LAG3: variants seen among roughly 807,000 people sequenced by gnomAD.
LAG3 encodes the protein lymphocyte activating 3.
Under a neutral mutation model 49.0 loss-of-function variants are expected in LAG3, and 29 were observed. That is an observed-to-expected ratio of 0.59 (90% confidence interval 0.44 to 0.81). The LOEUF is 0.81. Among genes scored for constraint, LAG3 ranks in the 30% least tolerant of loss-of-function variants. LAG3 has a pLI of 0.00. For missense variants in LAG3, 693 were observed against 695.2 expected, an observed-to-expected ratio of 1.00 and a Z score of 0.04; for synonymous variants, 320 against 297.3, an observed-to-expected ratio of 1.08 and a Z score of -0.79.
chr12:6,776,826 A>G (rs1941910803), intron 5 of LAG3, among the ~76,000 whole-genome samples: 1 of 152,208 alleles, frequency 6.6e-6, no homozygotes, highest in Non-Finnish European at 1.5e-5. Context: ...AAGTAATGTA[A>G]AAGAATCTGT....
intron 5 of LAG3, among the ~76,000 whole-genome samples, chr12:6,776,576 C>T (rs1304517750): frequency 6.6e-6 from 1 of 152,180 alleles, no homozygotes; most frequent in African/African-American, 2.4e-5. Flanking sequence ...ATGCCCTTCA[C>T]CCTTTGTCTC....
chr12:6,773,094 T>C lies in LAG3; in HGVS notation c.59-98T>C. ...AAGAAACAGAAACCCAAGTTCTTCC[T>C]GCACCCTGTTTCTCCCTCGGGAAAC... On this transcript the variant is annotated intron_variant, in intron 1 of 7. Transcript: ENST00000203629. The surrounding 1 kb of genome is among the most constrained non-coding windows in gnomAD (Gnocchi z 5.5). The C allele has an allele frequency of 1.4e-6, 2 of 1,468,338 alleles. No individual in the cohort carries two copies. 91.0% of individuals were successfully genotyped at this position (1,468,338 alleles called of 1,614,324 possible). A position where few individuals can be genotyped will look rare whatever the true frequency, so the allele number is the denominator to read the frequency against.
At position 6,777,452 on chromosome 12, in the gene LAG3, CA is replaced by C. The variant is rs1565482685; in HGVS notation, c.1247del (p.Gln416ArgfsTer50). 6.2e-7 allele frequency: 1 copy of C among 1,614,190 alleles called. No homozygotes were observed. The highest frequency in any genetic ancestry group is 2.2e-5 in the East Asian group (1 of 44,886). ...LSQPWQCQLYQGERLLGAAVY... is the reference protein window; with the variant it reads ...LSQPWQCQLYXGERLLGAAVY... ...CCAGCCTTGGCAATGCCAGCTGTAC[CA>C]GGGGGAGAGGCTTCTTGGAGCAGCA... On this transcript the variant is annotated frameshift_variant, in exon 6 of 8. Coordinates refer to ENST00000203629, the MANE Select transcript of LAG3 (RefSeq NM_002286.6). LOFTEE classifies it high-confidence loss of function.
Position 6,775,282 on chromosome 12 carries a change from C to T in LAG3, c.791C>T (p.Pro264Leu), listed in dbSNP as rs1274252556. Residue 264 changes from proline (P) to leucine (L), a missense_variant, in exon 5 of 8, where the codon CCC becomes CTC. By Grantham distance (98) the Pro-to-Leu change is moderately conservative (BLOSUM62 -3). Transcript: ENST00000203629. The part of the protein sequence containing the change: ...MYNLTVLGLE[P>L]PTPLTVYAGA... ...TTTCTTTTCTCTTCAGGTCTGGAGC[C>T]CCCAACTCCCTTGACAGTGTACGCT... 6.2e-7 allele frequency: 1 copy of T among 1,613,436 alleles called. No homozygotes were observed. The highest frequency in any genetic ancestry group is 8.5e-7 in the Non-Finnish European group (1 of 1,179,556).
rs1171822425 is a variant in LAG3, at chr12:6,777,468, T to G, written c.1262T>G (p.Leu421Arg). 1 of 1,614,166 alleles carries G rather than the reference T, an allele frequency of 6.2e-7. No individual in the cohort carries two copies. The highest frequency in any genetic ancestry group is 2.2e-5 in the East Asian group (1 of 44,880). Residue 421 changes from leucine (L) to arginine (R), a missense_variant, in exon 6 of 8, where the codon CTT (leucine) becomes CGT (arginine). Transcript: ENST00000203629. ...QCQLYQGERL[L>R]GAAVYFTELS... ...CAGCTGTACCAGGGGGAGAGGCTTC[T>G]TGGAGCAGCAGTGTACTTCACAGAG...
chr12:6,777,360 T>C lies in LAG3; in HGVS notation c.1154T>C (p.Leu385Pro), dbSNP rs1032653655. 1 of 1,614,110 alleles carries C rather than the reference T, an allele frequency of 6.2e-7. No individual in the cohort carries two copies. Among genetic ancestry groups the C allele is most frequent in the Non-Finnish European group, 8.5e-7 (1 of 1,180,052 alleles). The change falls in exon 6 of 8, where the codon CTG becomes CCG. Residue 385 changes from leucine to proline, a missense_variant. Physicochemically the swap from Leu to Pro is moderately conservative, Grantham distance 98 (BLOSUM62 -3). Coordinates refer to ENST00000203629, the MANE Select transcript of LAG3 (RefSeq NM_002286.6). ...SGQERFVWSS[L>P]DTPSQRSFSG... ...CAAGAACGCTTTGTGTGGAGCTCTC[T>C]GGACACCCCATCCCAGAGGAGTTTC...
Position 6,773,159 on chromosome 12 carries a change from C to T in LAG3, c.59-33C>T. The T allele has an allele frequency of 6.3e-7, 1 of 1,588,534 alleles. No homozygotes were observed. The highest frequency in any genetic ancestry group is 8.6e-7 in the Non-Finnish European group (1 of 1,169,418). The stretch of plus-strand genomic sequence containing the variant: ...TCTACCCCTGCCTCTCGGCTCACGC[C>T]CCCTCCCCTTGGCCTCTCTTTTGCT... On this transcript the variant is annotated intron_variant, in intron 1 of 7. Coordinates refer to ENST00000203629, the MANE Select transcript of LAG3 (RefSeq NM_002286.6). This position sits in a 1 kb window ranked among gnomAD's most constrained non-coding sequence, Gnocchi z 5.5.
Position 6,777,305 on chromosome 12 carries a change from C to G in LAG3, c.1099C>G (p.Leu367Val). Residue 367 changes from leucine (L) to valine (V), a missense_variant, in exon 6 of 8, where the codon CTG becomes GTG. Leu to Val is a conservative substitution (Grantham distance 32). Transcript: ENST00000203629. Reference sequence around the variant, plus strand: ...TGGGTCACCTGGATCCCTGGGGAAGCTGCTTTGTGAGGTGACTCCAGTATC... The same window carrying G: ...TGGGTCACCTGGATCCCTGGGGAAGGTGCTTTGTGAGGTGACTCCAGTATC... ...SFGSPGSLGK[L>V]LCEVTPVSGQ... 1 of 1,614,182 alleles carries G rather than the reference C, an allele frequency of 6.2e-7. No individual in the cohort carries two copies. The highest frequency in any genetic ancestry group is 8.5e-7 in the Non-Finnish European group (1 of 1,180,024).
chr12:6,777,742 T>C, intron 6 of LAG3, 49 bp from the exon 7 acceptor site: 1 of 1,599,872 alleles, frequency 6.3e-7, no homozygotes, highest in Non-Finnish European at 8.6e-7. Context: ...AATGACAAAG[T>C]GTCCTTTCTA....
At position 6,772,974 on chromosome 12, in the gene LAG3, T is replaced by G. The variant is rs1941860761; in HGVS notation, c.58+64T>G. Reference sequence around the variant, plus strand: ...ACAGGAGGGGACCAGCAGGGATCTCTGTGGCCACAAAGGTCCTGAGGTCCT... The same window carrying G: ...ACAGGAGGGGACCAGCAGGGATCTCGGTGGCCACAAAGGTCCTGAGGTCCT... On this transcript the variant is annotated intron_variant, in intron 1 of 7. Coordinates refer to ENST00000203629, the MANE Select transcript of LAG3 (RefSeq NM_002286.6). 4.5e-6 allele frequency: 7 copies of G among 1,557,130 alleles called. No homozygotes were observed. The East Asian group carries it at 1.1e-4, about 25-fold the overall frequency.
chr12:6,776,513 G>C (rs764027796), intron 5 of LAG3, among the ~76,000 whole-genome samples: 2 of 152,084 alleles, frequency 1.3e-5, no homozygotes, highest in African/African-American at 4.8e-5. Context: ...CCAGACTCTG[G>C]GTCTAAACTC....
intron 7 of LAG3, 150 bp from the exon 8 acceptor site, chr12:6,778,094 C>T: frequency 7.6e-7 from 1 of 1,314,756 alleles, no homozygotes; most frequent in East Asian, 2.5e-5. Context: ...CCTGGGTAGG[C>T]TGGAAGGGGG....
In LAG3 at chr12:6,778,347, C is replaced by T. The variant is rs1307925193; in HGVS notation, c.1535C>T (p.Pro512Leu). 1 of 1,612,780 alleles carries T rather than the reference C, an allele frequency of 6.2e-7. No individual in the cohort carries two copies. The highest frequency in any genetic ancestry group is 1.1e-5 in the South Asian group (1 of 91,056). The change falls in exon 8 of 8, where the codon CCG (proline) becomes CTG (leucine). Residue 512 changes from proline to leucine, a missense_variant. Physicochemically the swap from Pro to Leu is moderately conservative, Grantham distance 98. Transcript: ENST00000203629. ...LEQEPEPEPE[P>L]EPEPEPEPEP... Reference sequence around the variant, plus strand: ...CAAGAACCGGAGCCGGAGCCGGAGCCGGAACCGGAGCCCGAGCCCGAGCCC... The same window carrying T: ...CAAGAACCGGAGCCGGAGCCGGAGCTGGAACCGGAGCCCGAGCCCGAGCCC...
chr12:6,775,535 G>A lies in LAG3; in HGVS notation c.1044G>A (p.Leu348=), dbSNP rs1019845301. The change falls in exon 5 of 8, where the codon TTG becomes TTA. Residue 348 remains leucine (L), a synonymous_variant. Coordinates refer to ENST00000203629, the MANE Select transcript of LAG3 (RefSeq NM_002286.6). The part of the protein sequence containing the change: ...QEQQLNATVT[L]AIITVTPKSF... The stretch of plus-strand genomic sequence containing the variant: ...AGCAGCTCAATGCCACTGTCACATT[G>A]GCAATCATCACAGGTCAGCCTCAGG... 6.2e-7 allele frequency: 1 copy of A among 1,614,054 alleles called. No homozygotes were observed. The highest frequency in any genetic ancestry group is 8.5e-7 in the Non-Finnish European group (1 of 1,180,020).
chr12:6,772,673 T>C lies in LAG3; in HGVS notation c.-180T>C. The C allele has an allele frequency of 6.6e-6, 3 of 453,058 alleles. No homozygotes were observed. Among genetic ancestry groups the C allele is most frequent in the Admixed American group, 3.8e-5 (1 of 26,650 alleles). 28.1% of individuals were successfully genotyped at this position (453,058 alleles called of 1,614,324 possible). On this transcript the variant is annotated 5_prime_UTR_variant, in exon 1 of 8. Transcript: ENST00000203629. ...TCCAGCTTTCCTCTGGATTCCGGCC[T>C]CTGGTCATCCCTCCCCACCCTCTCT... is the stretch of plus-strand genomic sequence containing the variant.
chr12:6,777,124 C>T (rs1941914785), intron 5 of LAG3, 140 bp from the exon 6 acceptor site: 44 of 813,624 alleles, frequency 5.4e-5, no homozygotes, highest in South Asian at 4.7e-4. Context: ...TGAACGTGGC[C>T]ATGACCCATG....
rs780079087 is a variant in LAG3 at position 6,772,873 on chromosome 12, G to C, written c.21G>C (p.Leu7=). The C allele has an allele frequency of 5.0e-6, 8 of 1,612,856 alleles. No homozygotes were observed. Among genetic ancestry groups the C allele is most frequent in the Non-Finnish European group, 6.8e-6 (8 of 1,179,876 alleles). The part of the protein sequence containing the change: MWEAQF[L]GLLFLQPLWV... ...GAGAGATGTGGGAGGCTCAGTTCCT[G>C]GGCTTGCTGTTTCTGCAGCCGCTTT... The change falls in exon 1 of 8, where the codon CTG becomes CTC. Residue 7 remains leucine, a synonymous_variant. Coordinates refer to ENST00000203629, the MANE Select transcript of LAG3 (RefSeq NM_002286.6).
chr12:6,778,363 GCCC>G lies in LAG3; in HGVS notation c.1552_1554del (p.Pro518del). On this transcript the variant is annotated inframe_deletion, in exon 8 of 8. Coordinates refer to ENST00000203629, the MANE Select transcript of LAG3 (RefSeq NM_002286.6). ...AGCCGGAGCCGGAACCGGAGCCCGA[GCCC>G]GAGCCCGAGCCGGAGCAGCTCTGAC... The G allele has an allele frequency of 6.2e-7, 1 of 1,611,734 alleles. No individual in the cohort carries two copies. Among genetic ancestry groups the G allele is most frequent in the Non-Finnish European group, 8.5e-7 (1 of 1,179,876 alleles).
intron 5 of LAG3, chr12:6,775,808 C>A: frequency 2.1e-6 from 1 of 465,462 alleles, no homozygotes; most frequent in Non-Finnish European, 3.8e-6. Context: ...GCGGGAGGGT[C>A]TGGGAAGTTA....
Sources: gnomAD v4.1 joint callset for allele counts (sites outside exome capture counted in the v4.1 genomes callset) on GRCh38, gnomAD v4.1.1 for gene constraint, Gnocchi (gnomAD v3.1) non-coding constraint, MANE v1.5 for transcripts, NCBI Gene and HGNC (gene_info 2026-07-23, HGNC 2026-07-21) for gene names.